Variants in ARNT2 observed in about 807,000 individuals in gnomAD.
The protein encoded by ARNT2 is ARNT protein 2.
A neutral mutation model predicts 91.7 loss-of-function variants in ARNT2; 36 were observed. That is an observed-to-expected ratio of 0.39 (90% CI 0.30 to 0.52). ARNT2 has a LOEUF of 0.52. ARNT2 is among the 20% of genes least tolerant of loss of function. ARNT2 has a pLI of 0.72. For missense variants in ARNT2, 775 were observed against 939.3 expected, an observed-to-expected ratio of 0.83 and a Z score of 2.29; for synonymous variants, 365 against 347.1, an observed-to-expected ratio of 1.05 and a Z score of -0.57.
chr15:80,421,145 A>G (rs1895854591), intron 1 of ARNT2, among the ~76,000 whole-genome samples: 1 of 152,294 alleles, frequency 6.6e-6, no homozygotes, highest in African/African-American at 2.4e-5. Flanking sequence ...AAGTGAAGTA[A>G]CTCAGGAATG....
At chr15:80,437,187 T>C (rs895442) in intron 1 of ARNT2, among the ~76,000 whole-genome samples, 134,546 of 152,118 alleles carry the variant, frequency 0.88, 59,571 homozygotes, top group African/African-American at 0.9. Flanking sequence ...CTCACTGCTC[T>C]AGCATCAAGA....
At chr15:80,435,644 T>C (rs1284093297) in intron 1 of ARNT2, among the ~76,000 whole-genome samples, 1 of 152,102 alleles carries the variant, frequency 6.6e-6, no homozygotes, top group African/African-American at 2.4e-5. Context: ...CAGGCAGTAC[T>C]AAGGATATGC....
At chr15:80,567,737 C>G (rs150392756) in intron 12 of ARNT2, among the ~76,000 whole-genome samples, 3 of 152,200 alleles carry the variant, frequency 2.0e-5, no homozygotes, top group Non-Finnish European at 4.4e-5. Flanking sequence ...TGAGGTTACA[C>G]GGATCAGGAT....
Position 80,522,818 on chromosome 15 carries a change from G to A in ARNT2, c.877+8413G>A, listed in dbSNP as rs374763581. 3.2e-4 allele frequency among the ~76,000 whole-genome samples: 36 copies of A among 112,224 alleles called. 1 individual carries two copies. Among genetic ancestry groups the A allele is most frequent in the African/African-American group, 1.1e-3 (30 of 27,626 alleles). The allele number at this position is 112,224 out of a possible 152,430, so 73.6% of individuals were successfully genotyped here. A position where few individuals can be genotyped will look rare whatever the true frequency, so the allele number is the denominator to read the frequency against. Reference sequence around the variant, plus strand: ...TACATATGTGTGTGTGTGTGTGTGTGTGTATATATATATATATACACACAT... The same window carrying A: ...TACATATGTGTGTGTGTGTGTGTGTATGTATATATATATATATACACACAT... On this transcript the variant is annotated intron_variant, in intron 8 of 18. Coordinates refer to ENST00000303329, the MANE Select transcript of ARNT2 (RefSeq NM_014862.4).
At position 80,404,725 on chromosome 15, in the gene ARNT2, C is replaced by T. The variant is rs1461066936; in HGVS notation, c.31+179C>T. On this transcript the variant is annotated intron_variant, in intron 1 of 18. Transcript: ENST00000303329. This position sits in a 1 kb window ranked among gnomAD's most constrained non-coding sequence, Gnocchi z 5.5. Reference sequence around the variant, plus strand: ...ATCAGCACCAGAGCGGCATCTGCATCCCAATCGCTGCCCATCCGGTCCCGG... The same window carrying T: ...ATCAGCACCAGAGCGGCATCTGCATTCCAATCGCTGCCCATCCGGTCCCGG... 6.6e-6 allele frequency among the ~76,000 whole-genome samples: 1 copy of T among 151,970 alleles called. No homozygotes were observed. The highest frequency in any genetic ancestry group is 1.5e-5 in the Non-Finnish European group (1 of 67,938).
Position 80,591,852 on chromosome 15 carries a change from G to A in ARNT2, c.2055+148G>A. On this transcript the variant is annotated intron_variant, in intron 18 of 18. Transcript: ENST00000303329. This position sits in a 1 kb window ranked among gnomAD's most constrained non-coding sequence, Gnocchi z 5.1. Reference sequence around the variant, plus strand: ...GCTCGAGGGAGTCCAGGAGTAGAAAGCCCCATCCTACCCAGCCAGAAACGT... The same window carrying A: ...GCTCGAGGGAGTCCAGGAGTAGAAAACCCCATCCTACCCAGCCAGAAACGT... 1 of 1,306,788 alleles carries A rather than the reference G, an allele frequency of 7.7e-7. No homozygotes were observed. Among genetic ancestry groups the A allele is most frequent in the East Asian group, 2.5e-5 (1 of 40,484 alleles). The allele number at this position is 1,306,788 out of a possible 1,614,324, so 80.9% of individuals were successfully genotyped here. A position where few individuals can be genotyped will look rare whatever the true frequency, so the allele number is the denominator to read the frequency against.
At chr15:80,506,930 G>A (rs762538953) in intron 5 of ARNT2, among the ~76,000 whole-genome samples, 5 of 152,194 alleles carry the variant, frequency 3.3e-5, no homozygotes, top group Admixed American at 6.5e-5. Context: ...GGGCTGAAGA[G>A]TGTGTATCAA....
At position 80,596,190 on chromosome 15, in the gene ARNT2, G is replaced by A. The variant is rs1893372292; in HGVS notation, c.*2492G>A. On this transcript the variant is annotated 3_prime_UTR_variant, in exon 19 of 19. Transcript: ENST00000303329. Reference sequence around the variant, plus strand: ...CTTCTCCTACCTCAACAGGGGTCCAGGGTGCAGTGAACTCAGTTCTTGGCC... The same window carrying A: ...CTTCTCCTACCTCAACAGGGGTCCAAGGTGCAGTGAACTCAGTTCTTGGCC... 6.6e-6 allele frequency: 1 copy of A among 152,242 alleles called. No individual in the cohort carries two copies. Among genetic ancestry groups the A allele is most frequent in the African/African-American group, 2.4e-5 (1 of 41,444 alleles). 9.4% of individuals were successfully genotyped at this position (152,242 alleles called of 1,614,324 possible).
In ARNT2 at chr15:80,593,920, A is replaced by T; in HGVS notation, c.*222A>T. 1.8e-6 allele frequency: 1 copy of T among 558,638 alleles called. No homozygotes were observed. Among genetic ancestry groups the T allele is most frequent in the Non-Finnish European group, 3.2e-6 (1 of 313,592 alleles). The allele number at this position is 558,638 out of a possible 1,614,324, so 34.6% of individuals were successfully genotyped here. ...GGGCCCTGGCAGACATTAGGGGATC[A>T]GTTGTATTTATTGTATTTTATCTGT... On this transcript the variant is annotated 3_prime_UTR_variant, in exon 19 of 19. Transcript: ENST00000303329.
intron 1 of ARNT2, among the ~76,000 whole-genome samples, chr15:80,428,665 A>G (rs1490468537): frequency 6.6e-6 from 1 of 152,204 alleles, no homozygotes; most frequent in East Asian, 1.9e-4. Context: ...AGACTTTTTC[A>G]ATTTAAAAGG....
intron 5 of ARNT2, among the ~76,000 whole-genome samples, chr15:80,484,874 G>T (rs77341400): frequency 0.013 from 2,031 of 152,282 alleles, 81 homozygotes; most frequent in East Asian, 0.13. Flanking sequence ...CCTGTACTTG[G>T]AGTCAGATGA....
intron 1 of ARNT2, among the ~76,000 whole-genome samples, chr15:80,419,104 C>A (rs945252077): frequency 6.6e-6 from 1 of 152,102 alleles, no homozygotes; most frequent in Admixed American, 6.6e-5. Context: ...CACTAGATGG[C>A]GTGGTCAAAT....
intron 8 of ARNT2, among the ~76,000 whole-genome samples, chr15:80,540,076 A>G (rs1342185883): frequency 6.6e-6 from 1 of 152,142 alleles, no homozygotes; most frequent in African/African-American, 2.4e-5. Context: ...TATCAAAGAG[A>G]TATCTATGCC....
intron 15 of ARNT2, among the ~76,000 whole-genome samples, chr15:80,579,374 A>G (rs562017790): frequency 6.6e-6 from 1 of 152,364 alleles, no homozygotes; most frequent in South Asian, 2.1e-4. Flanking sequence ...CTTGTTTTAC[A>G]ATGATCAGCT....
chr15:80,531,764 C>A (rs937424034), intron 8 of ARNT2, among the ~76,000 whole-genome samples: 1 of 152,190 alleles, frequency 6.6e-6, no homozygotes, highest in Non-Finnish European at 1.5e-5. Flanking sequence ...GGAGTTTGGA[C>A]TCATTGAATG....
chr15:80,491,944 C>T (rs1175359395), intron 5 of ARNT2, among the ~76,000 whole-genome samples: 1 of 151,370 alleles, frequency 6.6e-6, no homozygotes, highest in Non-Finnish European at 1.5e-5. Flanking sequence ...TCTTTCTCTA[C>T]TGAATTGCCT....
At position 80,465,980 on chromosome 15, in the gene ARNT2, C is replaced by T. The variant is rs577839188; in HGVS notation, c.195-4238C>T. On this transcript the variant is annotated intron_variant, in intron 3 of 18. Transcript: ENST00000303329. Reference sequence around the variant, plus strand: ...TGGGCTCTCTGTCCTGTCCAGCACCCGTCTCCAGTACCCAGCACAGTAACT... The same window carrying T: ...TGGGCTCTCTGTCCTGTCCAGCACCTGTCTCCAGTACCCAGCACAGTAACT... Among the ~76,000 whole-genome samples, 6 of 152,288 alleles carry T rather than the reference C, an allele frequency of 3.9e-5. No homozygotes were observed. The South Asian group carries it at 1.0e-3, about 26-fold the overall frequency.
At chr15:80,469,670 AGTG>A (rs1283276715) in intron 3 of ARNT2, among the ~76,000 whole-genome samples, 1 of 152,158 alleles carries the variant, frequency 6.6e-6, no homozygotes, top group African/African-American at 2.4e-5. Context: ...GTTGGAGTGC[AGTG>A]GTGCGATCTC....
At chr15:80,565,522 TTTTG>T (rs1158357167) in intron 12 of ARNT2, among the ~76,000 whole-genome samples, 1 of 147,582 alleles carries the variant, frequency 6.8e-6, no homozygotes, top group African/African-American at 2.4e-5. Context: ...CAGCATCTGT[TTTTG>T]TTTTTGTTAT....
Sources: allele counts gnomAD v4.1 joint callset (sites outside exome capture counted in the v4.1 genomes callset), GRCh38; gene constraint gnomAD v4.1.1; non-coding constraint Gnocchi (gnomAD v3.1); transcripts MANE v1.5; gene names NCBI Gene and HGNC (gene_info 2026-07-23, HGNC 2026-07-21).